The following SEMA6A variants were observed in gnomAD, a reference collection of about 807,000 sequenced individuals.
SEMA6A encodes semaphorin 6A.
A neutral mutation model predicts 96.8 loss-of-function variants in SEMA6A; 25 were observed. That is an observed-to-expected ratio of 0.26 (90% CI 0.19 to 0.36). SEMA6A has a LOEUF of 0.36. Among genes scored for constraint, SEMA6A ranks in the 10% least tolerant of loss-of-function variants. The pLI is 1.00. For synonymous variants in SEMA6A, 612 were observed against 518.0 expected (o/e 1.18, Z -2.46); for missense variants, 1,363 against 1,323.1 (o/e 1.03, Z -0.47).
intron 1 of SEMA6A, among the ~76,000 whole-genome samples, chr5:116,505,702 C>A (rs1471323931): frequency 1.3e-5 from 2 of 152,122 alleles, no homozygotes; most frequent in African/African-American, 4.8e-5. Flanking sequence ...TTTAAAAAGT[C>A]ATATCTCTAT....
intron 18 of SEMA6A, among the ~76,000 whole-genome samples, chr5:116,461,569 C>T (rs1226326912): frequency 2.6e-5 from 4 of 152,120 alleles, no homozygotes; most frequent in Non-Finnish European, 5.9e-5. Context: ...CCATCACTTT[C>T]CTCGTCTTCC....
chr5:116,513,186 G>A (rs1428106917), intron 1 of SEMA6A, among the ~76,000 whole-genome samples: 1 of 151,948 alleles, frequency 6.6e-6, no homozygotes, highest in Non-Finnish European at 1.5e-5. Context: ...GGAGTGTAAT[G>A]GCGCGATCTC....
intron 1 of SEMA6A, among the ~76,000 whole-genome samples, chr5:116,558,447 TC>T (rs1462272516): frequency 1.9e-5 from 1 of 51,934 alleles, no homozygotes; most frequent in African/African-American, 5.0e-5. Flanking sequence ...ATTTAAGGAT[TC>T]TTTTTTTTTT....
At chr5:116,478,203 C>A (rs766364038) in intron 13 of SEMA6A, 49 bp from the exon 14 acceptor site, 1 of 1,586,634 alleles carries the variant, frequency 6.3e-7, no homozygotes, top group South Asian at 1.1e-5. Flanking sequence ...TTCTCTTTTT[C>A]TCGGCCCCAC....
At chr5:116,496,507 A>G (rs562941340) in intron 4 of SEMA6A, among the ~76,000 whole-genome samples, 194 bp from the exon 5 acceptor site, 1 of 152,360 alleles carries the variant, frequency 6.6e-6, no homozygotes, top group South Asian at 2.1e-4. Context: ...TTGAACTCCT[A>G]TCTATTCATT....
Position 116,515,171 on chromosome 5 carries a change from T to C in SEMA6A, c.-38-10189A>G, listed in dbSNP as rs116320252. ...GTTAAAACAGACAACTCCATGCTTA[T>C]TGGATTTGTAGACACTCAAATTAGA... On this transcript the variant is annotated intron_variant, in intron 1 of 18. Coordinates refer to ENST00000343348, the MANE Select transcript of SEMA6A (RefSeq NM_020796.5). Among the ~76,000 whole-genome samples, 345 of 152,332 alleles carry C rather than the reference T, an allele frequency of 2.3e-3. 3 individuals are homozygous for C. Among genetic ancestry groups the C allele is most frequent in the African/African-American group, 7.7e-3 (321 of 41,580 alleles).
intron 7 of SEMA6A, 33 bp downstream of exon 7, chr5:116,491,707 G>C (rs1445815986): frequency 1.3e-6 from 2 of 1,558,278 alleles, no homozygotes; most frequent in South Asian, 1.1e-5. Context: ...ACAAGCAAAA[G>C]CAAGTGCAAC....
intron 1 of SEMA6A, among the ~76,000 whole-genome samples, chr5:116,541,320 G>C (rs1259070252): frequency 6.6e-6 from 1 of 152,130 alleles, no homozygotes; most frequent in Admixed American, 6.5e-5. Flanking sequence ...AGAGGTAAGA[G>C]GGGTAAGAAT....
intron 1 of SEMA6A, among the ~76,000 whole-genome samples, chr5:116,505,265 C>T (rs1369711094): frequency 6.6e-6 from 1 of 152,120 alleles, no homozygotes; most frequent in African/African-American, 2.4e-5. Context: ...GGCTATTTCA[C>T]AGTCATGAAA....
At chr5:116,454,987 C>G (rs1754916372) in intron 18 of SEMA6A, among the ~76,000 whole-genome samples, 2 of 152,154 alleles carry the variant, frequency 1.3e-5, no homozygotes, top group African/African-American at 4.8e-5. Flanking sequence ...TATTTTAAAA[C>G]TCACATATTG....
At chr5:116,512,183 C>T (rs527419312) in intron 1 of SEMA6A, among the ~76,000 whole-genome samples, 1 of 152,306 alleles carries the variant, frequency 6.6e-6, no homozygotes, top group Admixed American at 6.5e-5. Flanking sequence ...GGTCAAAGAA[C>T]ACATCCCATC....
chr5:116,541,094 G>T (rs1422087432), intron 1 of SEMA6A, among the ~76,000 whole-genome samples: 3 of 152,140 alleles, frequency 2.0e-5, no homozygotes, highest in Non-Finnish European at 4.4e-5. Context: ...GTCTTTTTCA[G>T]GCTGCAAATG....
chr5:116,481,714 A>G (rs1756781754), intron 11 of SEMA6A, among the ~76,000 whole-genome samples: 1 of 152,250 alleles, frequency 6.6e-6, no homozygotes, highest in Admixed American at 6.5e-5. Flanking sequence ...CGTGCCACAG[A>G]AGAGAGGCAC....
At chr5:116,482,851 A>G (rs1561487348) in intron 10 of SEMA6A, among the ~76,000 whole-genome samples, 1 of 152,252 alleles carries the variant, frequency 6.6e-6, no homozygotes, top group Non-Finnish European at 1.5e-5. Flanking sequence ...TTTATTTATA[A>G]AAGAAGAATT....
chr5:116,544,415 C>T (rs7727266), intron 1 of SEMA6A, among the ~76,000 whole-genome samples: 2 of 152,044 alleles, frequency 1.3e-5, no homozygotes, highest in East Asian at 1.9e-4. Context: ...CTCAGCCTCC[C>T]GAGTAGCTGA....
intron 3 of SEMA6A, 74 bp downstream of exon 3, chr5:116,502,136 A>T: frequency 9.0e-7 from 1 of 1,116,438 alleles, no homozygotes. Context: ...CTTAAAAATA[A>T]TGCATAGCTG....
At chr5:116,549,696 CTT>C (rs1336587716) in intron 1 of SEMA6A, among the ~76,000 whole-genome samples, 1 of 152,172 alleles carries the variant, frequency 6.6e-6, no homozygotes, top group African/African-American at 2.4e-5. Context: ...CATATCAGTA[CTT>C]TTCTGGTGAC....
chr5:116,533,206 C>T (rs1385638713), intron 1 of SEMA6A, among the ~76,000 whole-genome samples: 2 of 152,046 alleles, frequency 1.3e-5, no homozygotes, highest in African/African-American at 4.8e-5. Flanking sequence ...GCCCTGGAAC[C>T]CTCTGAATGG....
chr5:116,494,723 C>T (rs966487693), intron 6 of SEMA6A, among the ~76,000 whole-genome samples: 6 of 152,210 alleles, frequency 3.9e-5, no homozygotes, highest in Admixed American at 6.5e-5. Flanking sequence ...AAACACAGTA[C>T]ATGTTTCCTG....
Sources: allele counts gnomAD v4.1 joint callset (sites outside exome capture counted in the v4.1 genomes callset), GRCh38; gene constraint gnomAD v4.1.1; transcripts MANE v1.5; gene names NCBI Gene and HGNC (gene_info 2026-07-23, HGNC 2026-07-21).